Variants in INO80C observed in about 807,000 individuals in gnomAD.
INO80C encodes IES6 homolog.
Under a neutral mutation model 17.7 loss-of-function variants are expected in INO80C, and 17 were observed. The ratio of observed to expected loss-of-function variants is 0.96; its 90% CI spans 0.66 to 1.44. The LOEUF (loss-of-function observed/expected upper bound fraction) is 1.44, where lower values mean the gene tolerates loss of function less well. INO80C is among the 40% of genes most tolerant of loss of function. INO80C has a pLI of 0.00. For synonymous variants in INO80C, 96 were observed against 95.8 expected (o/e 1.00, Z -0.01); for missense variants, 244 against 245.0 (o/e 1.00, Z 0.03).
intron 4 of INO80C, among the ~76,000 whole-genome samples, chr18:35,477,965 T>C (rs59848474): frequency 0.014 from 2,151 of 152,362 alleles, 61 homozygotes; most frequent in African/African-American, 0.049. Context: ...ACAATCATCA[T>C]CTAAAATGCA....
At position 35,480,527 on chromosome 18, in the gene INO80C, C is replaced by CCA; in HGVS notation, c.191_192dup (p.Val65TrpfsTer34). 1 of 1,613,960 alleles carries CCA rather than the reference C, an allele frequency of 6.2e-7. No homozygotes were observed. Among genetic ancestry groups the CCA allele is most frequent in the Non-Finnish European group, 8.5e-7 (1 of 1,179,808 alleles). On this transcript the variant is annotated frameshift_variant, in exon 2 of 5. Coordinates refer to ENST00000334598, the MANE Select transcript of INO80C (RefSeq NM_194281.4). LOFTEE classifies it high-confidence loss of function. ...GGTCCTGTGCTAAACTCAGAGGGCA[C>CCA]CATTTTATTCTCACTCATGGCTTCC...
intron 1 of INO80C, among the ~76,000 whole-genome samples, chr18:35,482,750 A>G (rs1200872449): frequency 6.7e-6 from 1 of 148,532 alleles, no homozygotes. Flanking sequence ...CCTTCCTCCC[A>G]CCCTCCCTTC....
chr18:35,497,737 G>A lies in INO80C; in HGVS notation c.138C>T (p.Ser46=), dbSNP rs763856924. Residue 46 remains serine, a synonymous_variant, in exon 1 of 5, where the codon TCC becomes TCT. Transcript: ENST00000334598. ...GYGASKKKKA[S]ASSFAQGISM... Reference sequence around the variant, plus strand: ...TGCGTACCTGCGCAAAGCTGGAAGCGGACGCTTTTTTCTTCTTACTGGCGC... The same window carrying A: ...TGCGTACCTGCGCAAAGCTGGAAGCAGACGCTTTTTTCTTCTTACTGGCGC... 6 of 1,612,356 alleles carry A rather than the reference G, an allele frequency of 3.7e-6. No homozygotes were observed. Among genetic ancestry groups the A allele is most frequent in the Non-Finnish European group, 5.1e-6 (6 of 1,179,438 alleles).
chr18:35,496,491 A>T (rs1319993155), intron 1 of INO80C, among the ~76,000 whole-genome samples: 2 of 152,240 alleles, frequency 1.3e-5, no homozygotes, highest in Non-Finnish European at 2.9e-5. Context: ...GCTCTTAGAA[A>T]TGCTATCTTG....
chr18:35,482,384 T>C (rs2045820905), intron 1 of INO80C, among the ~76,000 whole-genome samples: 1 of 152,188 alleles, frequency 6.6e-6, no homozygotes, highest in Admixed American at 6.5e-5. Context: ...TAAGAGAGTA[T>C]GGTGGAATAT....
At chr18:35,471,687 T>G (rs1327803486) in intron 4 of INO80C, among the ~76,000 whole-genome samples, 2 of 152,102 alleles carry the variant, frequency 1.3e-5, no homozygotes, top group Non-Finnish European at 2.9e-5. Context: ...ATGTGCCATG[T>G]TGGTGTGCTG....
chr18:35,495,111 G>C (rs2045968438), intron 1 of INO80C, among the ~76,000 whole-genome samples: 1 of 152,218 alleles, frequency 6.6e-6, no homozygotes, highest in Non-Finnish European at 1.5e-5. Context: ...AAGGGAACTA[G>C]AATGAAAGGA....
At chr18:35,487,110 T>G (rs778541484) in intron 1 of INO80C, among the ~76,000 whole-genome samples, 1 of 152,212 alleles carries the variant, frequency 6.6e-6, no homozygotes, top group Admixed American at 6.5e-5. Context: ...CCTTACTAAG[T>G]GCTCAAATCT....
At chr18:35,483,127 A>G (rs2045833415) in intron 1 of INO80C, among the ~76,000 whole-genome samples, 1 of 152,112 alleles carries the variant, frequency 6.6e-6, no homozygotes, top group East Asian at 1.9e-4. Flanking sequence ...GATTATTTTC[A>G]TTGGGATTCG....
chr18:35,485,664 C>G (rs2045865251), intron 1 of INO80C, among the ~76,000 whole-genome samples: 1 of 151,828 alleles, frequency 6.6e-6, no homozygotes, highest in Non-Finnish European at 1.5e-5. Flanking sequence ...AAAATGTTAA[C>G]CACAGAATTA....
intron 1 of INO80C, among the ~76,000 whole-genome samples, chr18:35,487,205 A>G (rs1170114277): frequency 1.3e-5 from 2 of 152,240 alleles, no homozygotes; most frequent in East Asian, 3.8e-4. Context: ...CCAAAAATAT[A>G]TAACTCAAAT....
At chr18:35,485,171 CA>C (rs150278891) in intron 1 of INO80C, among the ~76,000 whole-genome samples, 2,698 of 151,962 alleles carry the variant, frequency 0.018, 89 homozygotes, top group African/African-American at 0.062. Context: ...TACTAGGGGT[CA>C]GGACAAAATA....
intron 1 of INO80C, among the ~76,000 whole-genome samples, chr18:35,486,716 C>G (rs1353011867): frequency 6.7e-6 from 1 of 148,926 alleles, no homozygotes; most frequent in Non-Finnish European, 1.5e-5. Flanking sequence ...GGAGGCTGCA[C>G]TGCGCTATGA....
intron 1 of INO80C, 97 bp downstream of exon 1, chr18:35,497,622 G>T: frequency 6.8e-7 from 1 of 1,475,738 alleles, no homozygotes; most frequent in Admixed American, 2.5e-5. Context: ...GACCGCACGC[G>T]CAGCGCCCCA....
intron 4 of INO80C, 86 bp downstream of exon 4, chr18:35,478,196 C>T (rs923325838): frequency 9.7e-7 from 1 of 1,035,392 alleles, no homozygotes; most frequent in African/African-American, 1.6e-5. Context: ...CAGGACCAGC[C>T]ATGATCAATA....
chr18:35,469,471 C>CTAAG (rs2144018699), intron 4 of INO80C, among the ~76,000 whole-genome samples: 1 of 152,302 alleles, frequency 6.6e-6, no homozygotes, highest in East Asian at 1.9e-4. Flanking sequence ...TCCCCGGCCT[C>CTAAG]TAAGTTCCTC....
At chr18:35,486,901 A>G (rs943321809) in intron 1 of INO80C, among the ~76,000 whole-genome samples, 1 of 152,066 alleles carries the variant, frequency 6.6e-6, no homozygotes, top group African/African-American at 2.4e-5. Flanking sequence ...AGGAATGAAG[A>G]TTCAAATTAG....
rs145840158 is a variant in INO80C at position 35,497,764 on chromosome 18, A to G, written c.111T>C (p.Tyr37=). 54 of 1,612,238 alleles carry G rather than the reference A, an allele frequency of 3.3e-5. No homozygotes were observed. Among genetic ancestry groups the G allele is most frequent in the Non-Finnish European group, 4.4e-5 (52 of 1,179,256 alleles). The change falls in exon 1 of 5, where the codon TAT becomes TAC. Residue 37 remains tyrosine (Y), a synonymous_variant. Transcript: ENST00000334598. ...ACGCTTTTTTCTTCTTACTGGCGCCATAGCCCCCGCCGCTGCTGCCATTGT... is the reference window on the plus strand; with the variant it reads ...ACGCTTTTTTCTTCTTACTGGCGCCGTAGCCCCCGCCGCTGCTGCCATTGT... ...PSHNGSSGGG[Y]GASKKKKASA...
intron 2 of INO80C, among the ~76,000 whole-genome samples, chr18:35,479,918 C>A (rs2045785330): frequency 6.8e-6 from 1 of 147,190 alleles, no homozygotes; most frequent in Non-Finnish European, 1.5e-5. Context: ...AAAGATGACA[C>A]AATAAAATGG....
Sources: gnomAD v4.1 joint callset for allele counts (sites outside exome capture counted in the v4.1 genomes callset) on GRCh38, gnomAD v4.1.1 for gene constraint, MANE v1.5 for transcripts, NCBI Gene and HGNC (gene_info 2026-07-23, HGNC 2026-07-21) for gene names.